STRIP2: variants seen among roughly 807,000 people sequenced by gnomAD.
STRIP2 encodes the protein striatin interacting protein 2, also known as striatin-interacting protein 2.
Under a neutral mutation model 107.1 loss-of-function variants are expected in STRIP2, and 84 were observed. The ratio of observed to expected loss-of-function variants is 0.78; its 90% CI spans 0.66 to 0.94. STRIP2 has a LOEUF of 0.94. STRIP2 is among the 40% of genes least tolerant of loss of function. STRIP2 has a pLI of 0.00. For missense variants in STRIP2, 888 were observed against 1,034.2 expected (o/e 0.86, Z 1.94); for synonymous variants, 394 against 400.4 (o/e 0.98, Z 0.19).
At chr7:129,479,403 GT>G (rs1799059368) in intron 18 of STRIP2, among the ~76,000 whole-genome samples, 1 of 151,976 alleles carries the variant, frequency 6.6e-6, no homozygotes, top group South Asian at 2.1e-4. Flanking sequence ...TCCCATAGAA[GT>G]TTTCCTTAGA....
chr7:129,471,623 G>A (rs1000986925), intron 18 of STRIP2, among the ~76,000 whole-genome samples: 6 of 152,234 alleles, frequency 3.9e-5, no homozygotes, highest in Admixed American at 3.3e-4. Context: ...GACAATCTCT[G>A]TGGTACAGGT....
intron 3 of STRIP2, among the ~76,000 whole-genome samples, chr7:129,444,527 TCC>T (rs2150989243): frequency 6.6e-6 from 1 of 152,290 alleles, no homozygotes; most frequent in East Asian, 1.9e-4. Flanking sequence ...GGATCTGCCT[TCC>T]CCAGCCGGCT....
intron 18 of STRIP2, among the ~76,000 whole-genome samples, chr7:129,474,763 C>T (rs181002009): frequency 4.6e-5 from 7 of 152,152 alleles, no homozygotes; most frequent in Admixed American, 2.6e-4. Context: ...CCACCTGCCT[C>T]AGCCTCCCAA....
chr7:129,443,942 G>A lies in STRIP2; in HGVS notation c.200-82G>A, dbSNP rs553486885. 222 of 1,020,052 alleles carry A rather than the reference G, an allele frequency of 2.2e-4. 2 individuals carry two copies. The Admixed American group carries it at 3.9e-3, about 18-fold the overall frequency. 63.2% of individuals were successfully genotyped at this position (1,020,052 alleles called of 1,614,324 possible). A position where few individuals can be genotyped will look rare whatever the true frequency, so the allele number is the denominator to read the frequency against. ...ACACAGGAATGTGTTGGAAGCTTCA[G>A]CTCTTTCATGCCACCCTCTCTACTT... On this transcript the variant is annotated intron_variant, in intron 2 of 20. Coordinates refer to ENST00000249344, the MANE Select transcript of STRIP2 (RefSeq NM_020704.3).
chr7:129,449,765 G>A lies in STRIP2; in HGVS notation c.275-1848G>A, dbSNP rs117493063. On this transcript the variant is annotated intron_variant, in intron 3 of 20. Coordinates refer to ENST00000249344, the MANE Select transcript of STRIP2 (RefSeq NM_020704.3). Reference sequence around the variant, plus strand: ...CAGTTCAGCCATTCACATGACAAAAGCTTGTGTCTGTTTTTCCACAATTTC... The same window carrying A: ...CAGTTCAGCCATTCACATGACAAAAACTTGTGTCTGTTTTTCCACAATTTC... 9.8e-3 allele frequency among the ~76,000 whole-genome samples: 1,498 copies of A among 152,290 alleles called. 13 individuals are homozygous for A. Among genetic ancestry groups the A allele is most frequent in the South Asian group, 0.042 (202 of 4,830 alleles).
In STRIP2 at chr7:129,434,607, G is replaced by T; in HGVS notation, c.129+6G>T. 1 of 1,490,646 alleles carries T rather than the reference G, an allele frequency of 6.7e-7. No homozygotes were observed. Among genetic ancestry groups the T allele is most frequent in the Non-Finnish European group, 8.9e-7 (1 of 1,124,234 alleles). 92.3% of individuals were successfully genotyped at this position (1,490,646 alleles called of 1,614,324 possible). ...GCCAGCGGCGGGAGTCAGAGGTGAG[G>T]AGCCCGGAAAGCTTCGGCTGGGGCC... is the stretch of plus-strand genomic sequence containing the variant. On this transcript the variant is annotated splice_donor_region_variant and intron_variant, in intron 1 of 20. Transcript: ENST00000249344.
intron 19 of STRIP2, 40 bp from the exon 20 acceptor site, chr7:129,482,802 A>T: frequency 1.2e-6 from 2 of 1,602,666 alleles, no homozygotes; most frequent in Non-Finnish European, 1.7e-6. Flanking sequence ...AAATTCCAAG[A>T]AACGTTAGAT....
In STRIP2 at chr7:129,461,439, AG is replaced by A. The variant is rs778458843; in HGVS notation, c.1476+1068del. Among the ~76,000 whole-genome samples, 2 of 152,220 alleles carry A rather than the reference AG, an allele frequency of 1.3e-5. No homozygotes were observed. The highest frequency in any genetic ancestry group is 2.9e-5 in the Non-Finnish European group (2 of 68,042). ...AAGAAGAGAATGGAAGGCAGGACAA[AG>A]CCCTGGGGCACACCAGTATGTTGAG... is the stretch of plus-strand genomic sequence containing the variant. On this transcript the variant is annotated intron_variant, in intron 13 of 20. Coordinates refer to ENST00000249344, the MANE Select transcript of STRIP2 (RefSeq NM_020704.3). The surrounding 1 kb of genome is among the most constrained non-coding windows in gnomAD (Gnocchi z 4.0).
Position 129,434,788 on chromosome 7 carries a change from C to T in STRIP2, c.129+187C>T, listed in dbSNP as rs149356640. ...GCCCGGACCAGTGTCCGCCCGTCTC[C>T]TGCCGCGGGTTGGGGGCTTTCTAGC... On this transcript the variant is annotated intron_variant, in intron 1 of 20. Transcript: ENST00000249344. 8.0e-3 allele frequency among the ~76,000 whole-genome samples: 1,222 copies of T among 152,386 alleles called. 17 individuals are homozygous for T. The highest frequency in any genetic ancestry group is 0.028 in the African/African-American group (1,153 of 41,600).
intron 13 of STRIP2, among the ~76,000 whole-genome samples, chr7:129,462,454 C>T (rs1798565860): frequency 1.3e-5 from 2 of 152,182 alleles, no homozygotes; most frequent in Admixed American, 6.5e-5. Flanking sequence ...ATGTCATCAA[C>T]AGGACAGAGA....
intron 20 of STRIP2, 45 bp from the exon 21 acceptor site, chr7:129,485,534 G>C (rs1183958755): frequency 6.2e-7 from 1 of 1,605,082 alleles, no homozygotes; most frequent in Admixed American, 1.7e-5. Flanking sequence ...AAGAGGAGCA[G>C]TGTCTTGCAT....
In STRIP2 at chr7:129,458,379, A is replaced by G. The variant is rs1020328369; in HGVS notation, c.1203A>G (p.Pro401=). 2.5e-6 allele frequency: 4 copies of G among 1,613,464 alleles called. No individual in the cohort carries two copies. The highest frequency in any genetic ancestry group is 3.4e-6 in the Non-Finnish European group (4 of 1,179,874). Residue 401 remains proline, a synonymous_variant, in exon 10 of 21, where the codon CCA becomes CCG. Transcript: ENST00000249344. The surrounding 1 kb of genome is among the most constrained non-coding windows in gnomAD (Gnocchi z 4.6). The stretch of plus-strand genomic sequence containing the variant: ...AGCAGGACCCTCTGGTGCCACCTCC[A>G]CCCTCACAGGCACCCCTCTCTGCTG... The part of the protein sequence containing the change: ...LLEQDPLVPP[P]PSQAPLSAER...
At position 129,462,507 on chromosome 7, in the gene STRIP2, T is replaced by C. The variant is rs1798567505; in HGVS notation, c.1477-459T>C. On this transcript the variant is annotated intron_variant, in intron 13 of 20. Transcript: ENST00000249344. ...GCTGGTCAGAAAGGAGAAAGTGATG[T>C]AGGGGCTAATGGAGAGGGGAAGAAA... Among the ~76,000 whole-genome samples, 3 of 152,314 alleles carry C rather than the reference T, an allele frequency of 2.0e-5. 1 individual carries two copies. The highest frequency in any genetic ancestry group is 4.1e-4 in the South Asian group (2 of 4,826).
chr7:129,482,680 C>A (rs542131003), intron 19 of STRIP2, among the ~76,000 whole-genome samples, 162 bp from the exon 20 acceptor site: 2 of 151,950 alleles, frequency 1.3e-5, no homozygotes, highest in African/African-American at 4.8e-5. Flanking sequence ...GCCCAGCCCC[C>A]CTCTATATTC....
At chr7:129,464,291 G>A (rs1798617181) in intron 15 of STRIP2, 150 bp downstream of exon 15, 1 of 684,526 alleles carries the variant, frequency 1.5e-6, no homozygotes, top group Admixed American at 2.7e-5. Context: ...TCCCGTACAG[G>A]GCTTTCTGCT....
chr7:129,455,178 G>T, intron 7 of STRIP2, 66 bp from the exon 8 acceptor site: 2 of 1,546,162 alleles, frequency 1.3e-6, no homozygotes, highest in Non-Finnish European at 8.7e-7. Context: ...CAGAATCAGG[G>T]TTACATGAAA....
chr7:129,486,942 T>C lies in STRIP2; in HGVS notation c.*1113T>C, dbSNP rs1248695600. On this transcript the variant is annotated 3_prime_UTR_variant, in exon 21 of 21. Coordinates refer to ENST00000249344, the MANE Select transcript of STRIP2 (RefSeq NM_020704.3). ...CTCTTTTACAGCAGAATCACATACTTCTCAAGATAAACAAGGTTTTTAAAA... is the reference window on the plus strand; with the variant it reads ...CTCTTTTACAGCAGAATCACATACTCCTCAAGATAAACAAGGTTTTTAAAA... 1 of 150,370 alleles carries C rather than the reference T, an allele frequency of 6.7e-6. No individual in the cohort carries two copies. The highest frequency in any genetic ancestry group is 1.5e-5 in the Non-Finnish European group (1 of 67,530). The allele number at this position is 150,370 out of a possible 1,614,324, so 9.3% of individuals were successfully genotyped here. A position where few individuals can be genotyped will look rare whatever the true frequency, so the allele number is the denominator to read the frequency against.
In STRIP2 at chr7:129,454,438, T is replaced by A; in HGVS notation, c.617T>A (p.Met206Lys). ...STELRVLLSV[M>K]YLMVENIRLE... ...AACCCCAGGGTGCTGCTGAGTGTTA[T>A]GTACCTAATGGTGGAAAATATTCGC... Residue 206 changes from methionine (M) to lysine (K), a missense_variant, in exon 7 of 21, where the codon ATG (methionine) becomes AAG (lysine). Physicochemically the swap from Met to Lys is moderately conservative, Grantham distance 95. Coordinates refer to ENST00000249344, the MANE Select transcript of STRIP2 (RefSeq NM_020704.3). 1 of 1,613,958 alleles carries A rather than the reference T, an allele frequency of 6.2e-7. No homozygotes were observed. Among genetic ancestry groups the A allele is most frequent in the Non-Finnish European group, 8.5e-7 (1 of 1,179,896 alleles).
At position 129,487,059 on chromosome 7, in the gene STRIP2, G is replaced by T. The variant is rs1473375961; in HGVS notation, c.*1230G>T. 7.8e-6 allele frequency: 1 copy of T among 128,968 alleles called. No individual in the cohort carries two copies. The highest frequency in any genetic ancestry group is 1.6e-5 in the Non-Finnish European group (1 of 64,426). 8.0% of individuals were successfully genotyped at this position (128,968 alleles called of 1,614,324 possible). ...ACAGAGTTTCGCTCTTGTTGCCCAA[G>T]CTGGAGTGCAATGGCACGATCTCGG... On this transcript the variant is annotated 3_prime_UTR_variant, in exon 21 of 21. Coordinates refer to ENST00000249344, the MANE Select transcript of STRIP2 (RefSeq NM_020704.3).
Sources: gnomAD v4.1 joint callset for allele counts (sites outside exome capture counted in the v4.1 genomes callset) on GRCh38, gnomAD v4.1.1 for gene constraint, Gnocchi (gnomAD v3.1) non-coding constraint, MANE v1.5 for transcripts, NCBI Gene and HGNC (gene_info 2026-07-23, HGNC 2026-07-21) for gene names.